Variants in PCYT1A observed in about 807,000 individuals in gnomAD.
PCYT1A encodes choline-phosphate cytidylyltransferase A.
In PCYT1A, 25 loss-of-function variants were observed where a neutral mutation model predicts 43.7. The observed-to-expected ratio is 0.57, with a 90% CI of 0.42 to 0.80. The LOEUF (loss-of-function observed/expected upper bound fraction) is 0.80, where lower values mean the gene tolerates loss of function less well. Among genes scored for constraint, PCYT1A ranks in the 30% least tolerant of loss-of-function variants. The pLI, the probability that PCYT1A is intolerant of heterozygous loss-of-function variation, is 0.00. For synonymous variants in PCYT1A, 172 were observed against 170.7 expected (o/e 1.01, Z -0.06); for missense variants, 421 against 474.2 (o/e 0.89, Z 1.04).
In PCYT1A at chr3:196,282,853, T is replaced by C. The variant is rs60623952; in HGVS notation, c.-11+4762A>G. 8.0e-3 allele frequency among the ~76,000 whole-genome samples: 1,221 copies of C among 152,338 alleles called. 15 individuals are homozygous for C. The highest frequency in any genetic ancestry group is 0.027 in the African/African-American group (1,135 of 41,576). On this transcript the variant is annotated intron_variant, in intron 1 of 8. Coordinates refer to ENST00000431016, the MANE Select transcript of PCYT1A (RefSeq NM_001312673.2). The surrounding 1 kb of genome is among the most constrained non-coding windows in gnomAD (Gnocchi z 4.3). ...TTAAGGGTCATATGCTCATTTTCTA[T>C]AGAGCAGGGACCATATGTCATTATT...
At chr3:196,281,083 C>T (rs188975674) in intron 1 of PCYT1A, among the ~76,000 whole-genome samples, 2 of 152,334 alleles carry the variant, frequency 1.3e-5, no homozygotes, top group Middle Eastern at 3.4e-3. Flanking sequence ...CCACTAAAAC[C>T]CAATGCCCAG....
chr3:196,253,154 T>G (rs1724853109), intron 3 of PCYT1A, among the ~76,000 whole-genome samples: 1 of 152,026 alleles, frequency 6.6e-6, no homozygotes, highest in African/African-American at 2.4e-5. Flanking sequence ...CTGGCCAACA[T>G]GGTGAAACCC....
At position 196,242,379 on chromosome 3, in the gene PCYT1A, G is replaced by A. The variant is rs1724385547; in HGVS notation, c.565+183C>T. ...ATGTTTAGACCAAGAATTGATGGATGTCATGAACTGACGACAAAGAATTGA... is the reference window on the plus strand; with the variant it reads ...ATGTTTAGACCAAGAATTGATGGATATCATGAACTGACGACAAAGAATTGA... On this transcript the variant is annotated intron_variant, in intron 6 of 8. Transcript: ENST00000431016. The surrounding 1 kb of genome is among the most constrained non-coding windows in gnomAD (Gnocchi z 4.2). 2.8e-6 allele frequency: 2 copies of A among 710,388 alleles called. No homozygotes were observed. The highest frequency in any genetic ancestry group is 4.0e-5 in the Admixed American group (2 of 49,872). 44.0% of individuals were successfully genotyped at this position (710,388 alleles called of 1,614,324 possible).
intron 5 of PCYT1A, among the ~76,000 whole-genome samples, chr3:196,244,900 G>A (rs1392242780): frequency 1.3e-5 from 2 of 151,842 alleles, no homozygotes; most frequent in Non-Finnish European, 2.9e-5. Context: ...CAGCATGCTC[G>A]TTAAGAGTCA....
intron 5 of PCYT1A, among the ~76,000 whole-genome samples, chr3:196,246,397 G>A (rs1724571157): frequency 6.6e-6 from 1 of 151,198 alleles, no homozygotes; most frequent in African/African-American, 2.4e-5. Flanking sequence ...CAGGAAACCT[G>A]TGGCTTTTTT....
chr3:196,254,332 TA>T (rs1724891598), intron 3 of PCYT1A, among the ~76,000 whole-genome samples: 2 of 151,326 alleles, frequency 1.3e-5, no homozygotes, highest in African/African-American at 4.9e-5. Flanking sequence ...GGCCTATATA[TA>T]TATTTTTTTA....
chr3:196,278,075 T>G (rs1012970857), intron 1 of PCYT1A, among the ~76,000 whole-genome samples: 1 of 152,198 alleles, frequency 6.6e-6, no homozygotes, highest in East Asian at 1.9e-4. Flanking sequence ...AATAGATGCT[T>G]GCCCGGACAC....
rs183753038 is a variant in PCYT1A, at chr3:196,265,318, G to A, written c.117+5097C>T. 7.4e-3 allele frequency among the ~76,000 whole-genome samples: 1,119 copies of A among 151,954 alleles called. 13 individuals carry two copies. Among genetic ancestry groups the A allele is most frequent in the African/African-American group, 0.026 (1,071 of 41,470 alleles). Reference sequence around the variant, plus strand: ...CCTGACCTCGTGATCTGCCCTTCTCGGCCTCCCAAAGTGCTAAGATTACAG... The same window carrying A: ...CCTGACCTCGTGATCTGCCCTTCTCAGCCTCCCAAAGTGCTAAGATTACAG... On this transcript the variant is annotated intron_variant, in intron 2 of 8. Transcript: ENST00000431016.
intron 5 of PCYT1A, among the ~76,000 whole-genome samples, chr3:196,245,141 TAC>T: frequency 6.7e-6 from 1 of 150,258 alleles, no homozygotes. Flanking sequence ...ATCATTTCAC[TAC>T]TTTTTTTTTT....
At position 196,235,800 on chromosome 3, in the gene PCYT1A, C is replaced by G. The variant is rs1019094949; in HGVS notation, c.*2888G>C. On this transcript the variant is annotated 3_prime_UTR_variant, in exon 9 of 9. Transcript: ENST00000431016. This position sits in a 1 kb window ranked among gnomAD's most constrained non-coding sequence, Gnocchi z 4.3. Reference sequence around the variant, plus strand: ...ACGTTAATATCTGAAGATTTAGATCCCAGGCATTGTGGTGGTGTGCACACC... The same window carrying G: ...ACGTTAATATCTGAAGATTTAGATCGCAGGCATTGTGGTGGTGTGCACACC... 8 of 152,220 alleles carry G rather than the reference C, an allele frequency of 5.3e-5. No individual in the cohort carries two copies. The highest frequency in any genetic ancestry group is 2.6e-4 in the Admixed American group (4 of 15,278). The allele number at this position is 152,220 out of a possible 1,614,324, so 9.4% of individuals were successfully genotyped here.
chr3:196,242,103 C>T lies in PCYT1A; in HGVS notation c.566-13G>A, dbSNP rs1724375894. 3 of 1,613,458 alleles carry T rather than the reference C, an allele frequency of 1.9e-6. No homozygotes were observed. The highest frequency in any genetic ancestry group is 2.5e-6 in the Non-Finnish European group (3 of 1,179,736). On this transcript the variant is annotated splice_polypyrimidine_tract_variant and intron_variant, in intron 6 of 8. Coordinates refer to ENST00000431016, the MANE Select transcript of PCYT1A (RefSeq NM_001312673.2). This position sits in a 1 kb window ranked among gnomAD's most constrained non-coding sequence, Gnocchi z 4.2. Reference sequence around the variant, plus strand: ...GGAGCAAACATGCCTAACTCAGAAACACATACAGACAAACACTGTGAGGTT... The same window carrying T: ...GGAGCAAACATGCCTAACTCAGAAATACATACAGACAAACACTGTGAGGTT...
intron 5 of PCYT1A, among the ~76,000 whole-genome samples, chr3:196,244,765 G>A (rs1240213384): frequency 2.6e-5 from 4 of 152,206 alleles, no homozygotes; most frequent in African/African-American, 9.7e-5. Flanking sequence ...CTTCTGCCTT[G>A]GGATCCTGTT....
intron 3 of PCYT1A, among the ~76,000 whole-genome samples, chr3:196,253,426 A>G (rs2108769785): frequency 6.6e-6 from 1 of 152,228 alleles, no homozygotes; most frequent in South Asian, 2.1e-4. Flanking sequence ...CAGAGGGGCT[A>G]TGATCTCACA....
chr3:196,248,043 A>G (rs1724624427), intron 4 of PCYT1A, 164 bp downstream of exon 4: 1 of 633,416 alleles, frequency 1.6e-6, no homozygotes, highest in African/African-American at 1.8e-5. Context: ...TCCTCTCTCC[A>G]GGTTTAGTTT....
intron 2 of PCYT1A, among the ~76,000 whole-genome samples, chr3:196,260,765 C>T (rs1344375895): frequency 6.6e-6 from 1 of 152,108 alleles, no homozygotes; most frequent in East Asian, 1.9e-4. Context: ...TCACTTGAAC[C>T]CAGGAGGTGG....
chr3:196,250,159 GGT>G (rs1245951995), intron 3 of PCYT1A, among the ~76,000 whole-genome samples: 56 of 144,842 alleles, frequency 3.9e-4, no homozygotes, highest in Middle Eastern at 3.7e-3. Flanking sequence ...CTGAGGACCA[GGT>G]ACACCATGCC....
chr3:196,279,830 T>C (rs12488019), intron 1 of PCYT1A, among the ~76,000 whole-genome samples: 2 of 139,324 alleles, frequency 1.4e-5, no homozygotes, highest in Admixed American at 7.4e-5. Context: ...TCCTTTCTTT[T>C]TTTTTTTTTT....
chr3:196,239,900 T>G (rs1477020625), intron 7 of PCYT1A, 165 bp from the exon 8 acceptor site: 2 of 593,762 alleles, frequency 3.4e-6, no homozygotes, highest in African/African-American at 3.7e-5. Flanking sequence ...AGATAAGATA[T>G]GCTGTGGATG....
chr3:196,259,292 T>C (rs1725037573), intron 2 of PCYT1A, among the ~76,000 whole-genome samples: 1 of 152,206 alleles, frequency 6.6e-6, no homozygotes, highest in Non-Finnish European at 1.5e-5. Context: ...TTCTCCTTTG[T>C]CTTGGTTAGT....
Sources: gnomAD v4.1 joint callset for allele counts (sites outside exome capture counted in the v4.1 genomes callset) on GRCh38, gnomAD v4.1.1 for gene constraint, Gnocchi (gnomAD v3.1) non-coding constraint, MANE v1.5 for transcripts, NCBI Gene and HGNC (gene_info 2026-07-23, HGNC 2026-07-21) for gene names.